Variants in FOXP2 observed in about 807,000 individuals in gnomAD.
FOXP2 encodes the protein forkhead box P2.
FOXP2 carries 12 observed loss-of-function variants against 115.8 expected under a neutral mutation model. That is an observed-to-expected ratio of 0.10 (90% CI 0.07 to 0.17). FOXP2 has a LOEUF of 0.17. Among genes scored for constraint, FOXP2 ranks in the 10% least tolerant of loss-of-function variants. The pLI, the probability that FOXP2 is intolerant of heterozygous loss-of-function variation, is 1.00. For synonymous variants in FOXP2, 328 were observed against 297.7 expected (o/e 1.10, Z -1.05); for missense variants, 629 against 843.5 (o/e 0.75, Z 3.15).
chr7:114,599,083 G>A (rs1598519), intron 3 of FOXP2, among the ~76,000 whole-genome samples: 19,777 of 151,852 alleles, frequency 0.13, 1,545 homozygotes, highest in African/African-American at 0.22. Context: ...CGACTTTATT[G>A]TACTGCCTGG....
Position 114,691,883 on chromosome 7 carries a change from G to C in FOXP2, c.*1957G>C. 2.2e-6 allele frequency: 1 copy of C among 452,090 alleles called. No homozygotes were observed. The highest frequency in any genetic ancestry group is 4.4e-6 in the Non-Finnish European group (1 of 226,344). 28.0% of individuals were successfully genotyped at this position (452,090 alleles called of 1,614,324 possible). A position where few individuals can be genotyped will look rare whatever the true frequency, so the allele number is the denominator to read the frequency against. On this transcript the variant is annotated 3_prime_UTR_variant, in exon 17 of 17. Transcript: ENST00000350908. Reference sequence around the variant, plus strand: ...AAAAGGACATAACGGCTTTCAAAAGGGTTTTCCCACTTACCCAAAAGGCTT... The same window carrying C: ...AAAAGGACATAACGGCTTTCAAAAGCGTTTTCCCACTTACCCAAAAGGCTT...
chr7:114,592,967 T>A (rs1385475914), intron 3 of FOXP2, among the ~76,000 whole-genome samples: 1 of 151,986 alleles, frequency 6.6e-6, no homozygotes, highest in Non-Finnish European at 1.5e-5. Flanking sequence ...TTGTCTTTAG[T>A]TTTGTTCACT....
chr7:114,412,565 T>G (rs1793190796), upstream of FOXP2, among the ~76,000 whole-genome samples: 1 of 152,168 alleles, frequency 6.6e-6, no homozygotes, highest in Non-Finnish European at 1.5e-5. Flanking sequence ...TTTTGTCACC[T>G]TTATATGTGC....
chr7:114,569,647 TC>T lies in FOXP2; in HGVS notation c.258+34947del, dbSNP rs201065769. ...GCAGCAAAATACAACTTGAACAATT[TC>T]CCCCCAGTCTTCATCTGCTAGCATC... On this transcript the variant is annotated intron_variant, in intron 3 of 16. Transcript: ENST00000350908. 1.7e-3 allele frequency among the ~76,000 whole-genome samples: 252 copies of T among 151,858 alleles called. 2 individuals are homozygous for T. The highest frequency in any genetic ancestry group is 0.012 in the East Asian group (64 of 5,152).
chr7:114,108,318 A>G (rs879539766), intron 1 of FOXP2, among the ~76,000 whole-genome samples: 3 of 151,918 alleles, frequency 2.0e-5, no homozygotes, highest in Non-Finnish European at 4.4e-5. Context: ...TATCTGGCAC[A>G]AACTGTAGTG....
intron 3 of FOXP2, among the ~76,000 whole-genome samples, chr7:114,540,095 G>C (rs1369449485): frequency 6.6e-6 from 1 of 151,798 alleles, no homozygotes; most frequent in Non-Finnish European, 1.5e-5. Context: ...TTAATTCAAG[G>C]TTATGATATA....
At chr7:114,457,416 C>A (rs1304347254) in intron 2 of FOXP2, among the ~76,000 whole-genome samples, 1 of 151,686 alleles carries the variant, frequency 6.6e-6, no homozygotes, top group Non-Finnish European at 1.5e-5. Flanking sequence ...TCATAATTTC[C>A]TTTTATGAAT....
chr7:114,444,968 T>G (rs1307340194), intron 2 of FOXP2, among the ~76,000 whole-genome samples: 3 of 152,072 alleles, frequency 2.0e-5, no homozygotes, highest in African/African-American at 7.2e-5. Flanking sequence ...TTACACATAA[T>G]TTAAAGAAGA....
At chr7:114,662,619 A>T (rs1468658792) in intron 14 of FOXP2, among the ~76,000 whole-genome samples, 1 of 152,096 alleles carries the variant, frequency 6.6e-6, no homozygotes, top group Admixed American at 6.6e-5. Context: ...TTATAAAAAA[A>T]TAAGGCTATT....
chr7:114,275,709 A>C lies in FOXP2; in HGVS notation c.-101-12310A>C, dbSNP rs1388325696. Reference sequence around the variant, plus strand: ...CCATGTCTGATTCAGGTGTCCTTTCAAATTATGATTTTTGCCTTTTGATAT... The same window carrying C: ...CCATGTCTGATTCAGGTGTCCTTTCCAATTATGATTTTTGCCTTTTGATAT... On this transcript the variant is annotated intron_variant, in intron 1 of 17. Transcript: ENST00000634411. Among the ~76,000 whole-genome samples the C allele has an allele frequency of 2.0e-5, 3 of 152,272 alleles. No homozygotes were observed. In the East Asian group the frequency reaches 5.8e-4, roughly 29 times the overall value.
At chr7:114,616,649 C>A (rs1205343866) in intron 3 of FOXP2, among the ~76,000 whole-genome samples, 1 of 152,014 alleles carries the variant, frequency 6.6e-6, no homozygotes, top group East Asian at 1.9e-4. Flanking sequence ...AATTCTATTC[C>A]CAGTTCTCTG....
At chr7:114,207,434 G>T (rs1043633107) in intron 1 of FOXP2, among the ~76,000 whole-genome samples, 1 of 152,116 alleles carries the variant, frequency 6.6e-6, no homozygotes, top group Non-Finnish European at 1.5e-5. Flanking sequence ...TCCTAAGTGG[G>T]TATGAAGTGA....
At chr7:114,243,930 T>G (rs1403876837) in intron 1 of FOXP2, among the ~76,000 whole-genome samples, 1 of 150,360 alleles carries the variant, frequency 6.7e-6, no homozygotes, top group Admixed American at 6.6e-5. Context: ...TTTTTTTTTG[T>G]TTTGTTTTTG....
intron 10 of FOXP2, among the ~76,000 whole-genome samples, chr7:114,657,343 A>T (rs1472577782): frequency 6.6e-6 from 1 of 152,166 alleles, no homozygotes; most frequent in Non-Finnish European, 1.5e-5. Flanking sequence ...CACTGTAATC[A>T]TAAATTGAAA....
In FOXP2 at chr7:114,297,423, A is replaced by AGCCATG. The variant is rs1796767337; in HGVS notation, c.-11+9317_-11+9322dup. 5.5e-6 allele frequency: 3 copies of AGCCATG among 542,850 alleles called. No individual in the cohort carries two copies. The South Asian group carries it at 5.7e-5, about 10-fold the overall frequency. 33.6% of individuals were successfully genotyped at this position (542,850 alleles called of 1,614,324 possible). ...GCCCACTGTCATAGGGGTAGCCCAGAGCCATGGCTGCTGCTCTTCAATGGC... is the reference window on the plus strand; with the variant it reads ...GCCCACTGTCATAGGGGTAGCCCAGAGCCATGGCCATGGCTGCTGCTCTTCAATGGC... On this transcript the variant is annotated intron_variant, in intron 2 of 17. Coordinates refer to the FOXP2 transcript ENST00000634411.
intron 8 of FOXP2, among the ~76,000 whole-genome samples, chr7:114,650,735 A>C (rs1806201312): frequency 6.6e-6 from 1 of 151,874 alleles, no homozygotes; most frequent in African/African-American, 2.4e-5. Context: ...GGTATAGTGG[A>C]AGTGCCTCCC....
chr7:114,214,403 G>C (rs1357359173), intron 1 of FOXP2, among the ~76,000 whole-genome samples: 1 of 152,166 alleles, frequency 6.6e-6, no homozygotes, highest in Non-Finnish European at 1.5e-5. Context: ...TTAGGGTCAT[G>C]AATTTGGCAA....
intron 2 of FOXP2, among the ~76,000 whole-genome samples, chr7:114,314,542 A>G (rs1447846719): frequency 1.3e-5 from 2 of 152,190 alleles, no homozygotes; most frequent in Non-Finnish European, 2.9e-5. Flanking sequence ...TTGTATTAAT[A>G]TGAAGATATA....
intron 16 of FOXP2, among the ~76,000 whole-genome samples, chr7:114,675,410 C>T (rs1204729311): frequency 3.9e-5 from 6 of 151,950 alleles, no homozygotes; most frequent in East Asian, 1.9e-4. Context: ...AAGTAACAAA[C>T]GAAAACAAAA....
Sources: allele counts gnomAD v4.1 joint callset (sites outside exome capture counted in the v4.1 genomes callset), GRCh38; gene constraint gnomAD v4.1.1; transcripts MANE v1.5; gene names NCBI Gene and HGNC (gene_info 2026-07-23, HGNC 2026-07-21).